Variants in CPEB2 observed in about 807,000 individuals in gnomAD.
The protein encoded by CPEB2 is cytoplasmic polyadenylation element binding protein 2, also known as cytoplasmic polyadenylation element-binding protein 2.
CPEB2 carries 56 observed loss-of-function variants against 93.6 expected under a neutral mutation model. The observed-to-expected ratio is 0.60, with a 90% confidence interval of 0.48 to 0.75. The LOEUF (loss-of-function observed/expected upper bound fraction) is 0.75, where lower values mean the gene tolerates loss of function less well. Ranked by LOEUF, CPEB2 falls within the 30% of genes least tolerant of loss-of-function variation. The probability of loss-of-function intolerance (pLI) is 0.00; values close to 1 mark genes in which losing one functional copy is unlikely to be tolerated. For synonymous variants in CPEB2, 764 were observed against 586.3 expected, an observed-to-expected ratio of 1.30 and a Z score of -4.38; for missense variants, 1,579 against 1,395.1, an observed-to-expected ratio of 1.13 and a Z score of -2.10.
rs1486429715 is a variant in CPEB2 at position 15,003,826 on chromosome 4, G to C, written c.1153G>C (p.Val385Leu). ...GCCCGGCTTCGGCACCCCCTGGTCG[G>C]TGCAGACCGCGTCGCCGCCACCCCA... is the stretch of plus-strand genomic sequence containing the variant. Reference protein sequence around the residue: ...PLPGFGTPWSVQTASPPPQPQ... With the variant: ...PLPGFGTPWSLQTASPPPQPQ... Residue 385 changes from valine (V) to leucine (L), a missense_variant, in exon 1 of 12, where the codon GTG becomes CTG. By Grantham distance (32) the Val-to-Leu change is conservative. Coordinates refer to ENST00000538197, the MANE Select transcript of CPEB2 (RefSeq NM_001177382.2). The C allele has an allele frequency of 2.1e-6, 2 of 956,888 alleles. No homozygotes were observed. The highest frequency in any genetic ancestry group is 3.4e-5 in the Admixed American group (1 of 29,536). The allele number at this position is 956,888 out of a possible 1,614,324, so 59.3% of individuals were successfully genotyped here.
intron 6 of CPEB2, among the ~76,000 whole-genome samples, chr4:15,047,610 A>G (rs953900591): frequency 2.6e-5 from 4 of 152,104 alleles, no homozygotes; most frequent in Non-Finnish European, 5.9e-5. Context: ...TTTCTTCCCT[A>G]GATAAATACA....
At chr4:15,019,494 G>A (rs76296896) in intron 4 of CPEB2, among the ~76,000 whole-genome samples, 4,134 of 151,956 alleles carry the variant, frequency 0.027, 89 homozygotes, top group South Asian at 0.13. Context: ...TTTAACACCT[G>A]AATTTGCTTT....
intron 11 of CPEB2, among the ~76,000 whole-genome samples, chr4:15,065,464 T>G (rs547467932): frequency 1.3e-5 from 2 of 152,112 alleles, no homozygotes; most frequent in Non-Finnish European, 2.9e-5. Context: ...ATAGAATATT[T>G]TACCATGTGC....
chr4:15,011,773 A>C (rs960793565), intron 3 of CPEB2, among the ~76,000 whole-genome samples: 1 of 152,218 alleles, frequency 6.6e-6, no homozygotes, highest in African/African-American at 2.4e-5. Context: ...AGCTCACTGT[A>C]AACAAAGTAA....
At position 15,062,125 on chromosome 4, in the gene CPEB2, T is replaced by C. The variant is rs748146303; in HGVS notation, c.2742T>C (p.Tyr914=). Residue 914 remains tyrosine, a synonymous_variant, in exon 11 of 12, where the codon TAT becomes TAC. Transcript: ENST00000538197. ...IMDRLYGGVC[Y]AGIDTDPELK... Reference sequence around the variant, plus strand: ...ACCGGCTGTATGGTGGAGTTTGTTATGCAGGAATTGATACAGATCCTGAGC... The same window carrying C: ...ACCGGCTGTATGGTGGAGTTTGTTACGCAGGAATTGATACAGATCCTGAGC... The C allele has an allele frequency of 1.1e-5, 18 of 1,612,394 alleles. No homozygotes were observed. The highest frequency in any genetic ancestry group is 1.7e-5 in the Admixed American group (1 of 59,948).
chr4:15,021,386 C>T (rs1724796621), intron 4 of CPEB2, among the ~76,000 whole-genome samples: 1 of 152,078 alleles, frequency 6.6e-6, no homozygotes, highest in Non-Finnish European at 1.5e-5. Flanking sequence ...ATTTGCATAC[C>T]TATTTTAAAT....
At chr4:15,055,754 T>C (rs1728659088) in intron 8 of CPEB2, among the ~76,000 whole-genome samples, 1 of 152,178 alleles carries the variant, frequency 6.6e-6, no homozygotes, top group Non-Finnish European at 1.5e-5. Flanking sequence ...TCTAGCTTCT[T>C]CTACTATTGC....
At chr4:15,059,073 C>A in intron 9 of CPEB2, 114 bp from the exon 10 acceptor site, 1 of 557,356 alleles carries the variant, frequency 1.8e-6, no homozygotes, top group Non-Finnish European at 3.2e-6. Flanking sequence ...TTCCAGATCC[C>A]ACTATACAAA....
At chr4:15,005,900 A>G (rs895458753) in intron 1 of CPEB2, among the ~76,000 whole-genome samples, 3 of 152,166 alleles carry the variant, frequency 2.0e-5, no homozygotes, top group Admixed American at 1.3e-4. Context: ...TTATCTGGAA[A>G]CTTGCCCACA....
Position 15,004,259 on chromosome 4 carries a change from G to T in CPEB2, c.1586G>T (p.Ser529Ile). 1 of 1,494,068 alleles carries T rather than the reference G, an allele frequency of 6.7e-7. No homozygotes were observed. Among genetic ancestry groups the T allele is most frequent in the Non-Finnish European group, 8.9e-7 (1 of 1,129,062 alleles). 92.6% of individuals were successfully genotyped at this position (1,494,068 alleles called of 1,614,324 possible). A position where few individuals can be genotyped will look rare whatever the true frequency, so the allele number is the denominator to read the frequency against. ...CCGCAGAGCCGGAGGTCGCCCGTCA[G>T]CCCGCAGCTCCAGCAGCAGCACCAG... ...QQPQSRRSPV[S>I]PQLQQQHQAA... The change falls in exon 1 of 12, where the codon AGC becomes ATC. Residue 529 changes from serine to isoleucine, a missense_variant. By Grantham distance (142) the Ser-to-Ile change is moderately radical. Coordinates refer to ENST00000538197, the MANE Select transcript of CPEB2 (RefSeq NM_001177382.2).
At chr4:15,041,517 C>G (rs916315484) in intron 6 of CPEB2, among the ~76,000 whole-genome samples, 1 of 152,020 alleles carries the variant, frequency 6.6e-6, no homozygotes, top group Admixed American at 6.6e-5. Context: ...ATTCTCCTAC[C>G]TCATCCTCCC....
intron 2 of CPEB2, among the ~76,000 whole-genome samples, 183 bp from the exon 3 acceptor site, chr4:15,008,155 G>C (rs1433112302): frequency 6.6e-6 from 1 of 151,444 alleles, no homozygotes; most frequent in Non-Finnish European, 1.5e-5. Flanking sequence ...TTATTTTCTT[G>C]AAGTTCCCTT....
chr4:15,002,924 C>A lies in CPEB2; in HGVS notation c.251C>A (p.Ser84Tyr), dbSNP rs1239018956. The A allele has an allele frequency of 6.6e-7, 1 of 1,516,354 alleles. No homozygotes were observed. Among genetic ancestry groups the A allele is most frequent in the African/African-American group, 1.4e-5 (1 of 70,738 alleles). 93.9% of individuals were successfully genotyped at this position (1,516,354 alleles called of 1,614,324 possible). A position where few individuals can be genotyped will look rare whatever the true frequency, so the allele number is the denominator to read the frequency against. ...CCGGCCGCCGCCGCTTCCTCTTCCT[C>A]CCCGTTCCTGGCGCATCAGCAGACC... ...GSPAAAASSS[S>Y]PFLAHQQTMQ... is the part of the protein sequence containing the mutation. The change falls in exon 1 of 12, where the codon TCC (serine) becomes TAC (tyrosine). Residue 84 changes from serine to tyrosine, a missense_variant. Ser to Tyr is a moderately radical substitution (Grantham distance 144, BLOSUM62 -2). Transcript: ENST00000538197.
rs181419624 is a variant in CPEB2 at position 15,009,056 on chromosome 4, A to G, written c.2034+629A>G. Among the ~76,000 whole-genome samples the G allele has an allele frequency of 7.9e-5, 12 of 152,308 alleles. No individual in the cohort carries two copies. The East Asian group carries it at 1.5e-3, about 20-fold the overall frequency. ...ACACCTTTGGTGGTTACAAAATGCT[A>G]TCTTTCTTCCTGCAAACTGAATTTG... On this transcript the variant is annotated intron_variant, in intron 3 of 11. Transcript: ENST00000538197.
intron 7 of CPEB2, 106 bp downstream of exon 7, chr4:15,052,690 T>G (rs1728343333): frequency 1.7e-6 from 1 of 586,730 alleles, no homozygotes; most frequent in Admixed American, 4.0e-5. Flanking sequence ...CACCTAGAGA[T>G]TTTCAGAATT....
In CPEB2 at chr4:15,003,923, C is replaced by T; in HGVS notation, c.1250C>T (p.Pro417Leu). 4 of 1,071,204 alleles carry T rather than the reference C, an allele frequency of 3.7e-6. No individual in the cohort carries two copies. The highest frequency in any genetic ancestry group is 4.8e-6 in the Non-Finnish European group (4 of 830,626). The allele number at this position is 1,071,204 out of a possible 1,614,324, so 66.4% of individuals were successfully genotyped here. The change falls in exon 1 of 12, where the codon CCG becomes CTG. Residue 417 changes from proline (P) to leucine (L), a missense_variant. By Grantham distance (98) the Pro-to-Leu change is moderately conservative (BLOSUM62 -3). This residue lies in a region of CPEB2 where 1,411 missense variants were observed against 1,056.0 expected (regional missense o/e 1.34). Coordinates refer to ENST00000538197, the MANE Select transcript of CPEB2 (RefSeq NM_001177382.2). Reference protein sequence around the residue: ...PPPQQPPQPQPQPPGSSATTP... With the variant: ...PPPQQPPQPQLQPPGSSATTP... ...CCCCAGCAGCCGCCCCAGCCGCAGC[C>T]GCAGCCGCCCGGCTCGTCTGCCACC...
chr4:15,066,108 T>A, intron 11 of CPEB2, 45 bp from the exon 12 acceptor site: 2 of 1,507,494 alleles, frequency 1.3e-6, no homozygotes, highest in Non-Finnish European at 1.8e-6. Flanking sequence ...AGAATTTGAT[T>A]TCTGAAGCAG....
chr4:15,023,481 C>T (rs1725024565), intron 4 of CPEB2, among the ~76,000 whole-genome samples: 1 of 152,040 alleles, frequency 6.6e-6, no homozygotes, highest in Non-Finnish European at 1.5e-5. Flanking sequence ...ATCTCACAAA[C>T]TAAAATAATC....
intron 6 of CPEB2, among the ~76,000 whole-genome samples, chr4:15,048,123 AT>A: frequency 6.6e-6 from 1 of 151,978 alleles, no homozygotes; most frequent in East Asian, 1.9e-4. Context: ...ATACTTCTGG[AT>A]TCATTCTGCC....
Sources: gnomAD v4.1 joint callset for allele counts (sites outside exome capture counted in the v4.1 genomes callset) on GRCh38, gnomAD v4.1.1 for gene constraint, gnomAD v4.1.1 regional missense constraint, MANE v1.5 for transcripts, NCBI Gene and HGNC (gene_info 2026-07-23, HGNC 2026-07-21) for gene names.